Variants in BEST1 observed in about 807,000 individuals in gnomAD.
The protein encoded by BEST1 is bestrophin 1, also known as bestrophin-1.
Under a neutral mutation model 63.3 loss-of-function variants are expected in BEST1, and 58 were observed. The observed-to-expected ratio is 0.92, with a 90% confidence interval of 0.74 to 1.14. BEST1 has a LOEUF of 1.14. Ranked by LOEUF, BEST1 falls within the 50% of genes most tolerant of loss-of-function variation. The probability of loss-of-function intolerance (pLI) is 0.00; values close to 1 mark genes in which losing one functional copy is unlikely to be tolerated. For synonymous variants in BEST1, 283 were observed against 291.6 expected, an observed-to-expected ratio of 0.97 and a Z score of 0.30; for missense variants, 671 against 740.1, an observed-to-expected ratio of 0.91 and a Z score of 1.08.
intron 2 of BEST1, 71 bp from the exon 3 acceptor site, chr11:61,955,036 C>A (rs931862840): frequency 6.3e-7 from 1 of 1,599,524 alleles, no homozygotes; most frequent in Non-Finnish European, 8.5e-7. Context: ...CAGGGCCGGG[C>A]TAGACCTGGG....
At chr11:61,959,402 A>T (rs532623745) in intron 7 of BEST1, 96 bp from the exon 8 acceptor site, 79 of 1,212,496 alleles carry the variant, frequency 6.5e-5, no homozygotes, top group Non-Finnish European at 8.6e-5. Context: ...GAAGGGCGTC[A>T]TGGGGTGTGG....
chr11:61,958,880 A>G, intron 7 of BEST1: 1 of 57,988 alleles, frequency 1.7e-5, no homozygotes, highest in Non-Finnish European at 3.8e-5. Context: ...TGTGACACAC[A>G]CACACACACA....
At position 61,962,255 on chromosome 11, in the gene BEST1, C is replaced by T; in HGVS notation, c.1101C>T (p.Ser367=). ...ASFMGSTFNI[S]LNKEEMEFQP... ...CCCTGCATCTCCTGTTTCTTTCCAGCCTGAACAAAGAGGAGATGGAGTTCC... is the reference window on the plus strand; with the variant it reads ...CCCTGCATCTCCTGTTTCTTTCCAGTCTGAACAAAGAGGAGATGGAGTTCC... The change falls in exon 10 of 11, where the codon AGC becomes AGT. Residue 367 remains serine (S), a splice_region_variant and synonymous_variant. Transcript: ENST00000378043. The T allele has an allele frequency of 1.2e-6, 2 of 1,613,906 alleles. No individual in the cohort carries two copies.
intron 1 of BEST1, among the ~76,000 whole-genome samples, chr11:61,951,092 G>C (rs921498265): frequency 2.0e-5 from 3 of 152,246 alleles, no homozygotes; most frequent in Non-Finnish European, 4.4e-5. Flanking sequence ...GGGTGGTTGA[G>C]AGAGCTTGGG....
intron 4 of BEST1, 23 bp downstream of exon 4, chr11:61,955,974 G>T (rs747257851): frequency 1.3e-5 from 20 of 1,540,948 alleles, no homozygotes; most frequent in Non-Finnish European, 1.5e-5. Context: ...GGAGCAACGG[G>T]GAGGCACCGG....
At chr11:61,955,513 C>A in intron 3 of BEST1, 2 of 1,050,922 alleles carry the variant, frequency 1.9e-6, no homozygotes, top group Non-Finnish European at 2.7e-6. Context: ...GCAGGGGGAC[C>A]CCCGGGTGAC....
intron 9 of BEST1, chr11:61,960,660 T>C (rs2134459951): frequency 6.4e-6 from 1 of 155,680 alleles, no homozygotes; most frequent in East Asian, 1.9e-4. Flanking sequence ...CAAAACTATG[T>C]TTTCTGATAA....
At chr11:61,959,344 G>C (rs1352806132) in intron 7 of BEST1, 154 bp from the exon 8 acceptor site, 4 of 732,796 alleles carry the variant, frequency 5.5e-6, no homozygotes, top group South Asian at 1.5e-5. Flanking sequence ...CCACAAGTGT[G>C]GGGGGCTGGA....
chr11:61,964,737 T>A (rs1298896344), downstream of BEST1: 2 of 1,598,600 alleles, frequency 1.3e-6, no homozygotes, highest in South Asian at 2.2e-5. Context: ...TTAGCTTTCA[T>A]TATCACTGTC....
At chr11:61,955,609 C>T in intron 3 of BEST1, 109 bp from the exon 4 acceptor site, 3 of 1,296,382 alleles carry the variant, frequency 2.3e-6, no homozygotes, top group Non-Finnish European at 3.2e-6. Flanking sequence ...GGGGGCTAGG[C>T]CCGCTCGCAG....
rs749798971 is a variant in BEST1, at chr11:61,964,062, G to GT, written c.1740-42_1740-41insT. On this transcript the variant is annotated intron_variant, in intron 10 of 10. Coordinates refer to ENST00000378043, the MANE Select transcript of BEST1 (RefSeq NM_004183.4). The stretch of plus-strand genomic sequence containing the variant: ...AACATTTTGGTATTTGAAATGAAGG[G>GT]ACCTTCCATACTTATGCTGTTAATA... 56 of 1,612,892 alleles carry GT rather than the reference G, an allele frequency of 3.5e-5. No homozygotes were observed. In the Middle Eastern group the frequency reaches 8.2e-4, roughly 24 times the overall value.
chr11:61,957,279 G>T, intron 5 of BEST1, 108 bp from the exon 6 acceptor site: 1 of 1,116,572 alleles, frequency 9.0e-7, no homozygotes, highest in Non-Finnish European at 1.4e-6. Flanking sequence ...CACACAGCCA[G>T]GAATGGACCA....
At chr11:61,959,818 C>A in intron 8 of BEST1, 74 bp from the exon 9 acceptor site, 2 of 1,584,520 alleles carry the variant, frequency 1.3e-6, no homozygotes, top group Non-Finnish European at 1.7e-6. Context: ...GAGATTCCTC[C>A]AAGTCATCAG....
At chr11:61,953,871 G>A (rs1940981667) in intron 2 of BEST1, among the ~76,000 whole-genome samples, 1 of 149,686 alleles carries the variant, frequency 6.7e-6, no homozygotes, top group South Asian at 2.2e-4. Context: ...GGGTAACAGA[G>A]CAAGACCCTA....
intron 3 of BEST1, 187 bp from the exon 4 acceptor site, chr11:61,955,531 T>C (rs529591357): frequency 2.0e-6 from 2 of 1,014,470 alleles, no homozygotes; most frequent in Non-Finnish European, 2.8e-6. Flanking sequence ...GACAGAACCC[T>C]TGGGGCTCTC....
At chr11:61,952,622 A>G (rs1184818078) in intron 2 of BEST1, among the ~76,000 whole-genome samples, 1 of 135,230 alleles carries the variant, frequency 7.4e-6, no homozygotes, top group African/African-American at 3.0e-5. Context: ...ACACACCACC[A>G]CGCCTGGCTA....
At chr11:61,962,119 C>CT in intron 9 of BEST1, 136 bp from the exon 10 acceptor site, 1 of 857,682 alleles carries the variant, frequency 1.2e-6, no homozygotes, top group East Asian at 2.6e-5. Context: ...GAGGTGAGAG[C>CT]TGGGGCATGG....
intron 1 of BEST1, 95 bp from the exon 2 acceptor site, chr11:61,951,676 G>A (rs1591265610): frequency 2.3e-6 from 3 of 1,288,290 alleles, no homozygotes; most frequent in Non-Finnish European, 3.3e-6. Flanking sequence ...GGTCCCTATG[G>A]GAGAGTTGAG....
chr11:61,955,189 T>G lies in BEST1; in HGVS notation c.235T>G (p.Ser79Ala). 1 of 1,614,094 alleles carries G rather than the reference T, an allele frequency of 6.2e-7. No homozygotes were observed. Among genetic ancestry groups the G allele is most frequent in the Non-Finnish European group, 8.5e-7 (1 of 1,179,986 alleles). The change falls in exon 3 of 11, where the codon TCC becomes GCC. Residue 79 changes from serine to alanine, a missense_variant. Physicochemically the swap from Ser to Ala is moderately conservative, Grantham distance 99 (BLOSUM62 1). Transcript: ENST00000378043. Reference protein sequence around the residue: ...CDSYIQLIPISFVLGFYVTLV... With the variant: ...CDSYIQLIPIAFVLGFYVTLV... The stretch of plus-strand genomic sequence containing the variant: ...CAGCTACATCCAGCTCATCCCCATT[T>G]CCTTCGTGCTGGGTGAGTTCCCCCT...
Sources: gnomAD v4.1 joint callset for allele counts (sites outside exome capture counted in the v4.1 genomes callset) on GRCh38, gnomAD v4.1.1 for gene constraint, MANE v1.5 for transcripts, NCBI Gene and HGNC (gene_info 2026-07-23, HGNC 2026-07-21) for gene names.